Variants in PIEZO2 observed in about 807,000 individuals in gnomAD.
The protein encoded by PIEZO2 is piezo type mechanosensitive ion channel component 2.
A neutral mutation model predicts 337.3 loss-of-function variants in PIEZO2; 172 were observed. That is an observed-to-expected ratio of 0.51 (90% CI 0.45 to 0.58). The LOEUF is 0.58. Among genes scored for constraint, PIEZO2 ranks in the 20% least tolerant of loss-of-function variants. PIEZO2 has a pLI of 0.00. For missense variants in PIEZO2, 3,028 were observed against 3,391.3 expected (o/e 0.89, Z 2.66); for synonymous variants, 1,251 against 1,228.5 (o/e 1.02, Z -0.38).
chr18:10,968,168 G>A (rs969165509), intron 3 of PIEZO2, among the ~76,000 whole-genome samples: 1 of 152,062 alleles, frequency 6.6e-6, no homozygotes, highest in Non-Finnish European at 1.5e-5. Flanking sequence ...TCTACCTGTG[G>A]TTTGCCAATT....
At chr18:10,937,025 T>C (rs1203179081) in intron 3 of PIEZO2, among the ~76,000 whole-genome samples, 1 of 152,216 alleles carries the variant, frequency 6.6e-6, no homozygotes, top group African/African-American at 2.4e-5. Flanking sequence ...ACTCTGGTTC[T>C]TCCACAATGA....
chr18:10,773,433 C>T lies in PIEZO2; in HGVS notation c.2764G>A (p.Glu922Lys), dbSNP rs1322336749. ...EEDGEEEEES[E>K]EEEETSDLRN... is the part of the protein sequence containing the mutation. The stretch of plus-strand genomic sequence containing the variant: ...TTACCTGATGTTTCTTCCTCCTCCT[C>T]GGATTCCTCCTCTTCCTCTCCGTCC... The change falls in exon 20 of 56, where the codon GAG (glutamate) becomes AAG (lysine). Residue 922 changes from glutamate (E) to lysine (K), a missense_variant. By Grantham distance (56) the Glu-to-Lys change is moderately conservative (BLOSUM62 1). Coordinates refer to ENST00000674853, the MANE Select transcript of PIEZO2 (RefSeq NM_001378183.1). The surrounding 1 kb of genome is among the most constrained non-coding windows in gnomAD (Gnocchi z 5.3). 5.2e-6 allele frequency: 8 copies of T among 1,537,250 alleles called. No homozygotes were observed. In the Admixed American group the frequency reaches 5.9e-5, roughly 11 times the overall value.
rs2039293788 is a variant in PIEZO2 at position 11,097,465 on chromosome 18, T to A, written c.65-31243A>T. Among the ~76,000 whole-genome samples, 1 of 152,152 alleles carries A rather than the reference T, an allele frequency of 6.6e-6. No individual in the cohort carries two copies. The highest frequency in any genetic ancestry group is 2.1e-4 in the South Asian group (1 of 4,830). On this transcript the variant is annotated intron_variant, in intron 1 of 55. Coordinates refer to ENST00000674853, the MANE Select transcript of PIEZO2 (RefSeq NM_001378183.1). This position sits in a 1 kb window ranked among gnomAD's most constrained non-coding sequence, Gnocchi z 5.0. ...TGGTCACAGATGTAGAAGGATTGAG[T>A]CCAGAGTTTACTACAGAGAAAGCCC...
In PIEZO2 at chr18:10,731,431, G is replaced by A. The variant is rs1567996098; in HGVS notation, c.5005C>T (p.Arg1669Ter). Residue 1669 changes from arginine to a stop codon, truncating the protein, a stop_gained, in exon 36 of 56, where the codon CGA (arginine) becomes TGA (stop). Transcript: ENST00000674853. LOFTEE classifies it high-confidence loss of function. The stretch of plus-strand genomic sequence containing the variant: ...CCCTCCTTGGATCCTTTCCGCCTTC[G>A]TTTCCGTTCTTCTCTTGCAGACCTT... ...KKRSAREERK[R>*]RRKGSKEGPV... The A allele has an allele frequency of 1.3e-6, 2 of 1,534,394 alleles. No homozygotes were observed. Among genetic ancestry groups the A allele is most frequent in the Non-Finnish European group, 1.7e-6 (2 of 1,145,718 alleles).
intron 2 of PIEZO2, among the ~76,000 whole-genome samples, chr18:11,014,181 G>A (rs1397953423): frequency 2.6e-5 from 4 of 151,842 alleles, no homozygotes; most frequent in Non-Finnish European, 4.4e-5. Context: ...CCTTAGTGGC[G>A]GGCACGTCAC....
At chr18:10,967,631 ATTG>A (rs1215401746) in intron 3 of PIEZO2, among the ~76,000 whole-genome samples, 2 of 151,952 alleles carry the variant, frequency 1.3e-5, no homozygotes, top group East Asian at 1.9e-4. Flanking sequence ...TATTATGGCC[ATTG>A]TTGTAGGACT....
intron 5 of PIEZO2, among the ~76,000 whole-genome samples, chr18:10,869,939 G>A (rs1422213415): frequency 2.1e-4 from 31 of 150,942 alleles, no homozygotes; most frequent in African/African-American, 7.3e-4. Flanking sequence ...GCAGTGGTGT[G>A]ATCTCGGCTC....
Position 11,148,763 on chromosome 18 carries a change from T to G in PIEZO2, c.-175A>C. ...CGCCCCGAGGGCACGCTCCCGGGGCTCTTGGCCGCCCCTCGCCCACCGGGC... is the reference window on the plus strand; with the variant it reads ...CGCCCCGAGGGCACGCTCCCGGGGCGCTTGGCCGCCCCTCGCCCACCGGGC... On this transcript the variant is annotated 5_prime_UTR_variant, in exon 1 of 56. Transcript: ENST00000674853. The surrounding 1 kb of genome is among the most constrained non-coding windows in gnomAD (Gnocchi z 5.2). 1.7e-6 allele frequency: 1 copy of G among 603,866 alleles called. No individual in the cohort carries two copies. The highest frequency in any genetic ancestry group is 3.2e-5 in the East Asian group (1 of 30,828). The allele number at this position is 603,866 out of a possible 1,614,324, so 37.4% of individuals were successfully genotyped here. A position where few individuals can be genotyped will look rare whatever the true frequency, so the allele number is the denominator to read the frequency against.
Position 10,837,577 on chromosome 18 carries a change from T to C in PIEZO2, c.917+17776A>G, listed in dbSNP as rs891510476. Among the ~76,000 whole-genome samples, 2 of 152,150 alleles carry C rather than the reference T, an allele frequency of 1.3e-5. No homozygotes were observed. The highest frequency in any genetic ancestry group is 2.9e-5 in the Non-Finnish European group (2 of 68,038). On this transcript the variant is annotated intron_variant, in intron 7 of 55. Coordinates refer to ENST00000674853, the MANE Select transcript of PIEZO2 (RefSeq NM_001378183.1). This position sits in a 1 kb window ranked among gnomAD's most constrained non-coding sequence, Gnocchi z 4.4. The stretch of plus-strand genomic sequence containing the variant: ...TATCTCTTCCCAATCCAAAATTCTA[T>C]GGTACAATCTATGTAAGAAAAGGCC...
intron 14 of PIEZO2, 123 bp downstream of exon 14, chr18:10,791,078 T>C (rs1250866896): frequency 1.8e-6 from 2 of 1,116,224 alleles, no homozygotes; most frequent in Admixed American, 6.3e-5. Context: ...ATAACGTTAC[T>C]TATTGCTCCA....
At chr18:10,785,129 T>C (rs1264068150) in intron 16 of PIEZO2, among the ~76,000 whole-genome samples, 172 bp from the exon 17 acceptor site, 1 of 152,232 alleles carries the variant, frequency 6.6e-6, no homozygotes, top group African/African-American at 2.4e-5. Flanking sequence ...CCAGCTAACC[T>C]ACTTTAACAA....
intron 2 of PIEZO2, among the ~76,000 whole-genome samples, chr18:10,987,824 A>G (rs1156398017): frequency 6.6e-6 from 1 of 152,138 alleles, no homozygotes; most frequent in Non-Finnish European, 1.5e-5. Context: ...CAAAATATAT[A>G]AAGAACAACT....
chr18:10,685,941 CA>C (rs2034528112), intron 49 of PIEZO2, among the ~76,000 whole-genome samples: 2 of 146,276 alleles, frequency 1.4e-5, no homozygotes, highest in African/African-American at 2.5e-5. Context: ...CTCTTTGCCA[CA>C]ACTGACTCGC....
At chr18:10,734,607 C>A (rs762475846) in intron 35 of PIEZO2, among the ~76,000 whole-genome samples, 8 of 152,148 alleles carry the variant, frequency 5.3e-5, no homozygotes, top group South Asian at 2.1e-4. Context: ...CGTAACGAAG[C>A]GACTACAGCA....
chr18:10,725,080 T>C, intron 36 of PIEZO2: 1 of 1,518,996 alleles, frequency 6.6e-7, no homozygotes, highest in Non-Finnish European at 9.1e-7. Context: ...GGGAGACAAG[T>C]TCTTTCAGTC....
chr18:10,676,280 G>A lies in PIEZO2; in HGVS notation c.8082-992C>T, dbSNP rs2033997037. Among the ~76,000 whole-genome samples the A allele has an allele frequency of 6.6e-6, 1 of 152,150 alleles. No individual in the cohort carries two copies. Among genetic ancestry groups the A allele is most frequent in the South Asian group, 2.1e-4 (1 of 4,826 alleles). ...TATCTCAGTCTGGGAACATTTCTAA[G>A]GCCTGCACCCTGGTGATCCATATAT... is the stretch of plus-strand genomic sequence containing the variant. On this transcript the variant is annotated intron_variant, in intron 53 of 55. Coordinates refer to ENST00000674853, the MANE Select transcript of PIEZO2 (RefSeq NM_001378183.1). The surrounding 1 kb of genome is among the most constrained non-coding windows in gnomAD (Gnocchi z 5.1).
At chr18:11,108,832 G>T (rs1253606049) in intron 1 of PIEZO2, among the ~76,000 whole-genome samples, 1 of 152,086 alleles carries the variant, frequency 6.6e-6, no homozygotes, top group Non-Finnish European at 1.5e-5. Context: ...ACCAGAGCTT[G>T]TTCCACTCTT....
chr18:11,134,040 G>A (rs1053353752), intron 1 of PIEZO2, among the ~76,000 whole-genome samples: 11 of 152,096 alleles, frequency 7.2e-5, no homozygotes, highest in East Asian at 1.9e-4. Context: ...TAAGTGCAAC[G>A]AGAAAGTGCT....
chr18:11,073,456 G>T (rs759412836), intron 1 of PIEZO2, among the ~76,000 whole-genome samples: 1 of 152,194 alleles, frequency 6.6e-6, no homozygotes, highest in Non-Finnish European at 1.5e-5. Flanking sequence ...AGAGAGGCCC[G>T]TGTGACAAAG....
Sources: allele counts gnomAD v4.1 joint callset (sites outside exome capture counted in the v4.1 genomes callset), GRCh38; gene constraint gnomAD v4.1.1; non-coding constraint Gnocchi (gnomAD v3.1); transcripts MANE v1.5; gene names NCBI Gene and HGNC (gene_info 2026-07-23, HGNC 2026-07-21).